The following DENND2B variants were observed in gnomAD, a reference collection of about 807,000 sequenced individuals.
DENND2B encodes the protein DENN domain containing 2B.
A neutral mutation model predicts 116.0 loss-of-function variants in DENND2B; 32 were observed. The observed-to-expected ratio is 0.28, with a 90% confidence interval of 0.21 to 0.37. The LOEUF (loss-of-function observed/expected upper bound fraction) is 0.37, where lower values mean the gene tolerates loss of function less well. Ranked by LOEUF, DENND2B falls within the 10% of genes least tolerant of loss-of-function variation. The pLI, the probability that DENND2B is intolerant of heterozygous loss-of-function variation, is 1.00. For synonymous variants in DENND2B, 588 were observed against 583.9 expected (o/e 1.01, Z -0.10); for missense variants, 1,276 against 1,477.7 (o/e 0.86, Z 2.24).
At chr11:8,794,911 A>C (rs1253452249) in intron 1 of DENND2B, 1 of 152,240 alleles carries the variant, frequency 6.6e-6, no homozygotes, top group Non-Finnish European at 1.5e-5. Context: ...TGCCCTTGAA[A>C]TTCAACTCCT....
In DENND2B at chr11:8,702,511, G is replaced by A. The variant is rs1318422481; in HGVS notation, c.2720+61C>T. ...CTGCTTAGGCTCCTGAACACTTGCT[G>A]ATTCGCTTGTGGGTGTGCCTTCCCC... On this transcript the variant is annotated intron_variant, in intron 14 of 19. Coordinates refer to ENST00000313726, the MANE Select transcript of DENND2B (RefSeq NM_213618.2). This position sits in a 1 kb window ranked among gnomAD's most constrained non-coding sequence, Gnocchi z 4.6. The A allele has an allele frequency of 6.2e-6, 10 of 1,600,046 alleles. No homozygotes were observed. The highest frequency in any genetic ancestry group is 2.2e-5 in the East Asian group (1 of 44,732).
intron 1 of DENND2B, among the ~76,000 whole-genome samples, chr11:8,903,474 TAAAAAAAAAA>T (rs35974143): frequency 8.6e-6 from 1 of 116,274 alleles, no homozygotes; most frequent in Admixed American, 8.8e-5. Context: ...ACCAAGATGT[TAAAAAAAAAA>T]AAAAAAAAGC....
intron 2 of DENND2B, among the ~76,000 whole-genome samples, chr11:8,747,578 G>C (rs1473725061): frequency 6.6e-6 from 1 of 152,264 alleles, no homozygotes; most frequent in Admixed American, 6.5e-5. Context: ...TTCAGAAGAG[G>C]TTTGAGAATC....
At chr11:8,811,414 A>G (rs1158540227), upstream of DENND2B, 2 of 397,848 alleles carry the variant, frequency 5.0e-6, no homozygotes, top group Non-Finnish European at 8.9e-6. Context: ...CCAGACGACA[A>G]ACCTGATACA....
At chr11:8,902,497 G>A (rs910113254) in intron 1 of DENND2B, among the ~76,000 whole-genome samples, 2 of 152,138 alleles carry the variant, frequency 1.3e-5, no homozygotes, top group South Asian at 4.1e-4. Context: ...TGTCATTTTT[G>A]TGATTCTGAT....
chr11:8,718,178 T>C lies in DENND2B; in HGVS notation c.1478-286A>G, dbSNP rs182033994. On this transcript the variant is annotated intron_variant, in intron 4 of 19. Coordinates refer to ENST00000313726, the MANE Select transcript of DENND2B (RefSeq NM_213618.2). ...TATAAATTCAGGGATTGCACAAGAC[T>C]GGCTCAGCCACCCCTGCCTGTGCCC... 1.1e-3 allele frequency: 622 copies of C among 584,328 alleles called. 2 individuals are homozygous for C. The highest frequency in any genetic ancestry group is 1.5e-3 in the Non-Finnish European group (493 of 322,674). 36.2% of individuals were successfully genotyped at this position (584,328 alleles called of 1,614,324 possible).
At chr11:8,760,181 C>T (rs573332145) in intron 1 of DENND2B, among the ~76,000 whole-genome samples, 3 of 152,266 alleles carry the variant, frequency 2.0e-5, no homozygotes, top group East Asian at 3.9e-4. Flanking sequence ...TAGAAACATA[C>T]TAAGAACCTG....
intron 1 of DENND2B, among the ~76,000 whole-genome samples, chr11:8,888,057 C>T (rs1202008151): frequency 3.3e-5 from 5 of 152,194 alleles, no homozygotes; most frequent in Non-Finnish European, 7.3e-5. Flanking sequence ...TGTCTCTCCC[C>T]AGCTAGACAA....
intron 3 of DENND2B, among the ~76,000 whole-genome samples, chr11:8,851,298 A>G (rs894654084): frequency 6.6e-6 from 1 of 152,182 alleles, no homozygotes; most frequent in African/African-American, 2.4e-5. Flanking sequence ...CATCATAAAT[A>G]TATACAATTA....
chr11:8,742,119 T>C (rs567916405), intron 2 of DENND2B, among the ~76,000 whole-genome samples: 1 of 152,236 alleles, frequency 6.6e-6, no homozygotes, highest in East Asian at 1.9e-4. Flanking sequence ...AGCCTGGTCT[T>C]GAACTCCTGG....
chr11:8,780,837 G>A (rs1013094581), intron 1 of DENND2B, among the ~76,000 whole-genome samples: 1 of 152,204 alleles, frequency 6.6e-6, no homozygotes, highest in Non-Finnish European at 1.5e-5. Flanking sequence ...GGGAGAGAGA[G>A]AACTGAGGTA....
At chr11:8,898,567 T>A (rs184872931) in intron 1 of DENND2B, among the ~76,000 whole-genome samples, 1 of 152,316 alleles carries the variant, frequency 6.6e-6, no homozygotes, top group Non-Finnish European at 1.5e-5. Context: ...GGAGTTGCCA[T>A]CATACATTAT....
intron 1 of DENND2B, among the ~76,000 whole-genome samples, chr11:8,791,173 C>A (rs2059346692): frequency 6.6e-6 from 1 of 152,210 alleles, no homozygotes; most frequent in Non-Finnish European, 1.5e-5. Context: ...CAGCTGCCCA[C>A]CTGCTGCCAC....
At chr11:8,854,869 C>T (rs1434070897) in intron 3 of DENND2B, among the ~76,000 whole-genome samples, 1 of 152,178 alleles carries the variant, frequency 6.6e-6, no homozygotes, top group African/African-American at 2.4e-5. Context: ...TGTGCCACCA[C>T]GCCCAGCTAA....
intron 4 of DENND2B, chr11:8,718,096 A>ACCCCCCCCC (rs1430185488): frequency 3.4e-4 from 24 of 71,162 alleles, no homozygotes; most frequent in South Asian, 6.8e-4. Flanking sequence ...AAGCAGACCC[A>ACCCCCCCCC]CCCCCCCACC....
At chr11:8,810,806 G>GTGTC, upstream of DENND2B, 1 of 140,236 alleles carries the variant, frequency 7.1e-6, no homozygotes, top group East Asian at 2.1e-4. Context: ...CTTTCTCACT[G>GTGTC]TCTCTCTCTC....
chr11:8,764,443 G>A lies in DENND2B; in HGVS notation c.-25-13718C>T, dbSNP rs193221540. Among the ~76,000 whole-genome samples the A allele has an allele frequency of 1.9e-3, 282 of 152,316 alleles. 2 individuals are homozygous for A. Among genetic ancestry groups the A allele is most frequent in the African/African-American group, 6.3e-3 (261 of 41,574 alleles). On this transcript the variant is annotated intron_variant, in intron 1 of 19. Coordinates refer to ENST00000313726, the MANE Select transcript of DENND2B (RefSeq NM_213618.2). Reference sequence around the variant, plus strand: ...CTTGTGTAATCTTAGTTACAACTATGTGAAATAGATGCCATTATCTCCATT... The same window carrying A: ...CTTGTGTAATCTTAGTTACAACTATATGAAATAGATGCCATTATCTCCATT...
At chr11:8,882,782 G>A (rs1261452434) in intron 1 of DENND2B, among the ~76,000 whole-genome samples, 1 of 152,188 alleles carries the variant, frequency 6.6e-6, no homozygotes, top group Non-Finnish European at 1.5e-5. Flanking sequence ...GAGCCCAGCA[G>A]TTGGAGATCA....
At chr11:8,781,159 G>A (rs1267665143) in intron 1 of DENND2B, among the ~76,000 whole-genome samples, 1 of 152,180 alleles carries the variant, frequency 6.6e-6, no homozygotes, top group Non-Finnish European at 1.5e-5. Context: ...GAGCATTGAT[G>A]GATTCTCAGT....
Sources: allele counts gnomAD v4.1 joint callset (sites outside exome capture counted in the v4.1 genomes callset), GRCh38; gene constraint gnomAD v4.1.1; non-coding constraint Gnocchi (gnomAD v3.1); transcripts MANE v1.5; gene names NCBI Gene and HGNC (gene_info 2026-07-23, HGNC 2026-07-21).